Variants in MFAP3 observed in about 807,000 individuals in gnomAD.
MFAP3 encodes microfibril associated protein 3, also known as microfibril-associated glycoprotein 3.
In MFAP3, 8 loss-of-function variants were observed where a neutral mutation model predicts 20.5. That is an observed-to-expected ratio of 0.39 (90% CI 0.23 to 0.70). The LOEUF (loss-of-function observed/expected upper bound fraction) is 0.70, where lower values mean the gene tolerates loss of function less well. Ranked by LOEUF, MFAP3 falls within the 30% of genes least tolerant of loss-of-function variation. The pLI, the probability that MFAP3 is intolerant of heterozygous loss-of-function variation, is 0.44. For missense variants in MFAP3, 398 were observed against 444.6 expected, an observed-to-expected ratio of 0.90 and a Z score of 0.94; for synonymous variants, 140 against 154.0, an observed-to-expected ratio of 0.91 and a Z score of 0.67.
At chr5:154,042,334 A>C (rs1772973683) in intron 1 of MFAP3, among the ~76,000 whole-genome samples, 1 of 152,226 alleles carries the variant, frequency 6.6e-6, no homozygotes, top group Non-Finnish European at 1.5e-5. Context: ...GGTATAACTG[A>C]AATAATCCTG....
chr5:154,053,234 A>C lies in MFAP3; in HGVS notation c.610A>C (p.Lys204Gln). The C allele has an allele frequency of 6.2e-7, 1 of 1,613,992 alleles. No individual in the cohort carries two copies. The highest frequency in any genetic ancestry group is 8.5e-7 in the Non-Finnish European group (1 of 1,179,924). Residue 204 changes from lysine (K) to glutamine (Q), a missense_variant, in exon 3 of 3, where the codon AAA (lysine) becomes CAA (glutamine). Transcript: ENST00000522782. Reference protein sequence around the residue: ...EKLQKAFEIAKRIPIITSAKT... With the variant: ...EKLQKAFEIAQRIPIITSAKT... ...ACTTCAGAAGGCCTTTGAGATTGCA[A>C]AACGTATCCCCATCATTACCTCAGC...
chr5:154,047,224 T>A, intron 1 of MFAP3, among the ~76,000 whole-genome samples: 1 of 152,116 alleles, frequency 6.6e-6, no homozygotes. Flanking sequence ...TAACTCCCCA[T>A]GTTGGGTCCT....
Position 154,053,244 on chromosome 5 carries a change from C to G in MFAP3, c.620C>G (p.Pro207Arg), listed in dbSNP as rs1462894754. Residue 207 changes from proline to arginine, a missense_variant, in exon 3 of 3, where the codon CCC becomes CGC. Transcript: ENST00000522782. ...GCCTTTGAGATTGCAAAACGTATCCCCATCATTACCTCAGCCAAAACTCTG... is the reference window on the plus strand; with the variant it reads ...GCCTTTGAGATTGCAAAACGTATCCGCATCATTACCTCAGCCAAAACTCTG... ...QKAFEIAKRI[P>R]IITSAKTLEL... is the part of the protein sequence containing the mutation. The G allele has an allele frequency of 1.2e-6, 2 of 1,613,948 alleles. No homozygotes were observed. Among genetic ancestry groups the G allele is most frequent in the East Asian group, 2.2e-5 (1 of 44,876 alleles).
intron 1 of MFAP3, among the ~76,000 whole-genome samples, chr5:154,046,192 A>G (rs1260692066): frequency 6.6e-6 from 1 of 152,210 alleles, no homozygotes; most frequent in Non-Finnish European, 1.5e-5. Context: ...AAATGAAGGT[A>G]TCAGGTTGGG....
rs1405413722 is a variant in MFAP3 at position 154,050,021 on chromosome 5, A to G, written c.295+4A>G. ...CAACTGGATGGCAGAAGCAGAGGTA[A>G]TTGGTCAGGGTATAATTAATCAAGG... is the stretch of plus-strand genomic sequence containing the variant. On this transcript the variant is annotated splice_donor_region_variant and intron_variant, in intron 2 of 2. Coordinates refer to ENST00000522782, the MANE Select transcript of MFAP3 (RefSeq NM_005927.5). 3.1e-6 allele frequency: 5 copies of G among 1,600,424 alleles called. No individual in the cohort carries two copies. The highest frequency in any genetic ancestry group is 4.3e-6 in the Non-Finnish European group (5 of 1,170,266).
intron 2 of MFAP3, among the ~76,000 whole-genome samples, chr5:154,051,346 G>A (rs1773189131): frequency 6.6e-6 from 1 of 152,134 alleles, no homozygotes; most frequent in South Asian, 2.1e-4. Context: ...CCAGCCAAGT[G>A]GAATGGCAGT....
chr5:154,053,773 T>G lies in MFAP3; in HGVS notation c.*60T>G. The G allele has an allele frequency of 6.8e-7, 1 of 1,463,654 alleles. No homozygotes were observed. The highest frequency in any genetic ancestry group is 9.2e-7 in the Non-Finnish European group (1 of 1,084,050). 90.7% of individuals were successfully genotyped at this position (1,463,654 alleles called of 1,614,324 possible). On this transcript the variant is annotated 3_prime_UTR_variant, in exon 3 of 3. Coordinates refer to ENST00000522782, the MANE Select transcript of MFAP3 (RefSeq NM_005927.5). The stretch of plus-strand genomic sequence containing the variant: ...GCTCGCTCTCAGAAAAGGAACCTGT[T>G]TCTTAGAAGAAGTAACATTTTTGCC...
chr5:154,040,862 C>T (rs1772928231), intron 1 of MFAP3, among the ~76,000 whole-genome samples: 1 of 152,118 alleles, frequency 6.6e-6, no homozygotes, highest in African/African-American at 2.4e-5. Flanking sequence ...TTCTTATCTT[C>T]ACCTCTCTCC....
chr5:154,049,959 C>T lies in MFAP3; in HGVS notation c.237C>T (p.His79=). Residue 79 remains histidine (H), a synonymous_variant, in exon 2 of 3, where the codon CAC becomes CAT. Coordinates refer to ENST00000522782, the MANE Select transcript of MFAP3 (RefSeq NM_005927.5). ...TTGAGTGTCTTCTCACAGCCAGTCA[C>T]TATGAAGATGTCCATTGGCACAATT... ...VSIECLLTAS[H]YEDVHWHNSK... The T allele has an allele frequency of 6.2e-7, 1 of 1,613,414 alleles. No homozygotes were observed.
Position 154,056,240 on chromosome 5 carries a change from G to T in MFAP3, c.*2527G>T, listed in dbSNP as rs192826512. 2.0e-5 allele frequency among the ~76,000 whole-genome samples: 3 copies of T among 152,286 alleles called. 1 individual carries two copies. Among genetic ancestry groups the T allele is most frequent in the Admixed American group, 2.0e-4 (3 of 15,304 alleles). ...TATCCTAGTTATTTTAGAAACAGAG[G>T]TGGCCTAATTTGGTGGCCAAAGTAA... On this transcript the variant is annotated 3_prime_UTR_variant, in exon 3 of 3. Transcript: ENST00000522782.
chr5:154,042,778 A>G (rs1208980664), intron 1 of MFAP3, among the ~76,000 whole-genome samples: 1 of 152,178 alleles, frequency 6.6e-6, no homozygotes, highest in Non-Finnish European at 1.5e-5. Context: ...AATGCAGCCT[A>G]GAACACATTT....
chr5:154,040,617 A>G (rs1772913524), intron 1 of MFAP3, among the ~76,000 whole-genome samples: 1 of 152,246 alleles, frequency 6.6e-6, no homozygotes, highest in South Asian at 2.1e-4. Flanking sequence ...CATGCCAGTA[A>G]AAGAAATATG....
At chr5:154,041,697 C>T (rs1772956077) in intron 1 of MFAP3, among the ~76,000 whole-genome samples, 1 of 152,068 alleles carries the variant, frequency 6.6e-6, no homozygotes, top group African/African-American at 2.4e-5. Flanking sequence ...GTGTTTAGGA[C>T]CAATTCTGAG....
chr5:154,052,916 T>G lies in MFAP3; in HGVS notation c.296-4T>G. ...TTTTTTTTTCATTTCTGTTCAATTATCAGGTGGAAAGTGGTTGGTTTCTGA... is the reference window on the plus strand; with the variant it reads ...TTTTTTTTTCATTTCTGTTCAATTAGCAGGTGGAAAGTGGTTGGTTTCTGA... On this transcript the variant is annotated splice_region_variant and splice_polypyrimidine_tract_variant and intron_variant, in intron 2 of 2. Transcript: ENST00000522782. 6.3e-7 allele frequency: 1 copy of G among 1,598,644 alleles called. No homozygotes were observed. Among genetic ancestry groups the G allele is most frequent in the Non-Finnish European group, 8.5e-7 (1 of 1,170,952 alleles).
intron 1 of MFAP3, among the ~76,000 whole-genome samples, chr5:154,041,401 A>G (rs977523627): frequency 6.6e-6 from 1 of 152,250 alleles, no homozygotes; most frequent in African/African-American, 2.4e-5. Context: ...AACGAATGAT[A>G]ATGATAATCA....
In MFAP3 at chr5:154,049,851, C is replaced by T. The variant is rs1263937043; in HGVS notation, c.129C>T (p.Ser43=). 6.2e-7 allele frequency: 1 copy of T among 1,613,678 alleles called. No homozygotes were observed. Among genetic ancestry groups the T allele is most frequent in the Admixed American group, 1.7e-5 (1 of 59,972 alleles). Residue 43 remains serine (S), a synonymous_variant, in exon 2 of 3, where the codon TCC becomes TCT. Coordinates refer to ENST00000522782, the MANE Select transcript of MFAP3 (RefSeq NM_005927.5). ...CAAATCGTAGTTCTTACAATGCATC[C>T]TTTCCCTCAAGCTTTGAACTCTCAG... ...LEANRSSYNA[S]FPSSFELSAS...
At position 154,053,671 on chromosome 5, in the gene MFAP3, C is replaced by G. The variant is rs1018921196; in HGVS notation, c.1047C>G (p.Asn349Lys). The G allele has an allele frequency of 1.9e-6, 3 of 1,613,510 alleles. No homozygotes were observed. In the African/African-American group the frequency reaches 4.0e-5, roughly 22 times the overall value. ...PPDDIGSAES[N>K]CNYKDGAYEN... The stretch of plus-strand genomic sequence containing the variant: ...ATGATATAGGATCTGCAGAATCTAA[C>G]TGTAACTACAAAGATGGGGCATATG... Residue 349 changes from asparagine (N) to lysine (K), a missense_variant, in exon 3 of 3, where the codon AAC becomes AAG. By Grantham distance (94) the Asn-to-Lys change is moderately conservative (BLOSUM62 0). Coordinates refer to ENST00000522782, the MANE Select transcript of MFAP3 (RefSeq NM_005927.5).
rs2113571580 is a variant in MFAP3 at position 154,055,475 on chromosome 5, T to C, written c.*1762T>C. On this transcript the variant is annotated 3_prime_UTR_variant, in exon 3 of 3. Coordinates refer to ENST00000522782, the MANE Select transcript of MFAP3 (RefSeq NM_005927.5). ...GAAACCTCTAGAGCCAAATAAAAGC[T>C]AACCAATCATTTAGCCAAAGCTTGC... is the stretch of plus-strand genomic sequence containing the variant. 6.6e-6 allele frequency among the ~76,000 whole-genome samples: 1 copy of C among 152,324 alleles called. No homozygotes were observed. The highest frequency in any genetic ancestry group is 1.9e-4 in the East Asian group (1 of 5,186).
At position 154,053,940 on chromosome 5, in the gene MFAP3, A is replaced by G. The variant is rs1211695334; in HGVS notation, c.*227A>G. 8.4e-6 allele frequency: 4 copies of G among 478,052 alleles called. No individual in the cohort carries two copies. Among genetic ancestry groups the G allele is most frequent in the African/African-American group, 5.9e-5 (3 of 51,276 alleles). 29.6% of individuals were successfully genotyped at this position (478,052 alleles called of 1,614,324 possible). On this transcript the variant is annotated 3_prime_UTR_variant, in exon 3 of 3. Transcript: ENST00000522782. ...AGAGCTTTATTAAATTATGCATGCT[A>G]AGATTTAAAGGAGCCCCAGATAAAC...
Sources: gnomAD v4.1 joint callset for allele counts (sites outside exome capture counted in the v4.1 genomes callset) on GRCh38, gnomAD v4.1.1 for gene constraint, MANE v1.5 for transcripts, NCBI Gene and HGNC (gene_info 2026-07-23, HGNC 2026-07-21) for gene names.